NEO1: variants seen among roughly 807,000 people sequenced by gnomAD.
The protein encoded by NEO1 is neogenin 1, also known as neogenin.
In NEO1, 63 loss-of-function variants were observed where a neutral mutation model predicts 159.7. The observed-to-expected ratio is 0.39, with a 90% CI of 0.32 to 0.49. The LOEUF is 0.49. NEO1 is among the 20% of genes least tolerant of loss of function. NEO1 has a pLI of 0.85. For synonymous variants in NEO1, 633 were observed against 662.0 expected (o/e 0.96, Z 0.67); for missense variants, 1,615 against 1,831.0 (o/e 0.88, Z 2.15).
chr15:73,180,797 G>A (rs916697118), intron 7 of NEO1, among the ~76,000 whole-genome samples: 3 of 152,124 alleles, frequency 2.0e-5, no homozygotes, highest in Non-Finnish European at 4.4e-5. Flanking sequence ...TTTTAGTGAC[G>A]TTATTGGGCA....
intron 1 of NEO1, among the ~76,000 whole-genome samples, chr15:73,075,939 A>T (rs1224561021): frequency 1.3e-5 from 2 of 152,018 alleles, no homozygotes; most frequent in African/African-American, 4.8e-5. Flanking sequence ...GTAAGTTGTA[A>T]CCTATTTTTG....
intron 25 of NEO1, among the ~76,000 whole-genome samples, chr15:73,290,992 T>TA (rs1252926031): frequency 3.3e-5 from 5 of 152,146 alleles, no homozygotes; most frequent in Non-Finnish European, 7.3e-5. Flanking sequence ...TTTGAAAGAG[T>TA]AATACCCTAT....
At chr15:73,260,250 T>A (rs771431252) in intron 14 of NEO1, 21 bp from the exon 15 acceptor site, 2 of 1,597,080 alleles carry the variant, frequency 1.3e-6, no homozygotes, top group Admixed American at 1.7e-5. Flanking sequence ...CTCATCTTGC[T>A]TTTCCACTTT....
intron 5 of NEO1, among the ~76,000 whole-genome samples, chr15:73,145,544 G>T (rs1174411164): frequency 6.6e-6 from 1 of 152,108 alleles, no homozygotes; most frequent in African/African-American, 2.4e-5. Flanking sequence ...CCAAAAATAG[G>T]TGATTGGTTA....
chr15:73,154,106 T>C (rs2033592357), intron 5 of NEO1, among the ~76,000 whole-genome samples: 1 of 152,186 alleles, frequency 6.6e-6, no homozygotes, highest in Non-Finnish European at 1.5e-5. Flanking sequence ...TTAGGTCTTA[T>C]GTCCTTTTAA....
chr15:73,134,639 T>C (rs2031538096), intron 4 of NEO1, among the ~76,000 whole-genome samples: 1 of 151,726 alleles, frequency 6.6e-6, no homozygotes, highest in African/African-American at 2.4e-5. Flanking sequence ...CAACCTCCGC[T>C]TCCCGGGTTC....
chr15:73,218,059 G>C (rs2038004358), intron 7 of NEO1, among the ~76,000 whole-genome samples: 2 of 152,150 alleles, frequency 1.3e-5, no homozygotes, highest in Non-Finnish European at 2.9e-5. Context: ...TAGTGGCTGT[G>C]GGTTTGTCAT....
At chr15:73,056,576 G>A (rs1372719438) in intron 1 of NEO1, among the ~76,000 whole-genome samples, 2 of 152,136 alleles carry the variant, frequency 1.3e-5, no homozygotes, top group East Asian at 1.9e-4. Context: ...TTTTTAACCC[G>A]TAGGGCCATA....
intron 1 of NEO1, among the ~76,000 whole-genome samples, chr15:73,093,251 C>CCTGG (rs1325854518): frequency 6.6e-6 from 1 of 152,154 alleles, no homozygotes; most frequent in Non-Finnish European, 1.5e-5. Context: ...ACCTTGATCA[C>CCTGG]CTGGCTGAGA....
At chr15:73,213,918 C>A (rs543110545) in intron 7 of NEO1, among the ~76,000 whole-genome samples, 38 of 152,280 alleles carry the variant, frequency 2.5e-4, no homozygotes, top group African/African-American at 8.9e-4. Context: ...TCACCGCATC[C>A]ATGACAACAT....
At chr15:73,086,969 T>C (rs2069402636) in intron 1 of NEO1, among the ~76,000 whole-genome samples, 1 of 152,136 alleles carries the variant, frequency 6.6e-6, no homozygotes, top group African/African-American at 2.4e-5. Context: ...AACAATTTTA[T>C]TTGTTCCTTT....
intron 8 of NEO1, among the ~76,000 whole-genome samples, chr15:73,240,328 A>C (rs181626910): frequency 1.3e-5 from 2 of 152,274 alleles, no homozygotes; most frequent in African/African-American, 4.8e-5. Context: ...TTGTAGTTGG[A>C]AGAGATACAG....
At chr15:73,251,138 A>G (rs1362985936) in intron 11 of NEO1, among the ~76,000 whole-genome samples, 1 of 152,178 alleles carries the variant, frequency 6.6e-6, no homozygotes, top group Non-Finnish European at 1.5e-5. Flanking sequence ...AATATTAGTA[A>G]TTGTGAATTT....
intron 5 of NEO1, among the ~76,000 whole-genome samples, chr15:73,138,540 A>C (rs1437126190): frequency 6.6e-6 from 1 of 151,906 alleles, no homozygotes; most frequent in African/African-American, 2.4e-5. Context: ...GCGGATCACG[A>C]GGTCAGGAGA....
chr15:73,124,004 G>T (rs1348633768), intron 3 of NEO1, among the ~76,000 whole-genome samples: 1 of 152,126 alleles, frequency 6.6e-6, no homozygotes, highest in Non-Finnish European at 1.5e-5. Flanking sequence ...AGCAAGGACA[G>T]TATCTTTTAA....
At chr15:73,116,507 G>A (rs1366706479) in intron 1 of NEO1, 33 bp from the exon 2 acceptor site, 3 of 1,481,866 alleles carry the variant, frequency 2.0e-6, no homozygotes, top group South Asian at 1.5e-5. Flanking sequence ...AGAGAGATTT[G>A]CTTAACTTTG....
intron 7 of NEO1, among the ~76,000 whole-genome samples, chr15:73,223,324 A>G (rs1035608159): frequency 4.6e-5 from 7 of 152,108 alleles, no homozygotes; most frequent in African/African-American, 1.2e-4. Context: ...GTTTAAATCT[A>G]TTGTTTCTTT....
intron 12 of NEO1, among the ~76,000 whole-genome samples, chr15:73,254,249 A>C (rs906133114): frequency 1.3e-5 from 2 of 152,058 alleles, no homozygotes; most frequent in Admixed American, 1.3e-4. Flanking sequence ...ACCAGCTGTT[A>C]ATTAGTTGTC....
chr15:73,268,544 T>C (rs1351195928), intron 16 of NEO1, among the ~76,000 whole-genome samples: 2 of 152,256 alleles, frequency 1.3e-5, no homozygotes. Context: ...CTGTTATTTT[T>C]AGTCCTCATT....
Sources: allele counts gnomAD v4.1 joint callset (sites outside exome capture counted in the v4.1 genomes callset), GRCh38; gene constraint gnomAD v4.1.1; transcripts MANE v1.5; gene names NCBI Gene and HGNC (gene_info 2026-07-23, HGNC 2026-07-21).